Variants in PRRG1 observed in about 807,000 individuals in gnomAD.
The protein encoded by PRRG1 is transmembrane gamma-carboxyglutamic acid protein 1.
PRRG1 carries 5 observed loss-of-function variants against 11.8 expected under a neutral mutation model. That is an observed-to-expected ratio of 0.42 (90% CI 0.22 to 0.89). PRRG1 has a LOEUF of 0.89. PRRG1 is among the 40% of genes least tolerant of loss of function. The pLI is 0.28. For synonymous variants in PRRG1, 66 were observed against 60.4 expected, an observed-to-expected ratio of 1.09 and a Z score of -0.43; for missense variants, 155 against 166.1, an observed-to-expected ratio of 0.93 and a Z score of 0.37.
chrX:37,362,025 T>C (rs1318256990), intron 1 of PRRG1, among the ~76,000 whole-genome samples: 2 of 112,239 alleles, frequency 1.8e-5, no homozygotes, highest in African/African-American at 6.5e-5. Context: ...AGGATATAGT[T>C]AATTTCCTGT....
intron 1 of PRRG1, among the ~76,000 whole-genome samples, chrX:37,389,099 A>G (rs1037524546): frequency 6.3e-5 from 7 of 111,569 alleles, no homozygotes; most frequent in Non-Finnish European, 9.4e-5. Flanking sequence ...GGACATAACA[A>G]TAGTGGCCTT....
Position 37,365,094 on chromosome X carries a change from C to T in PRRG1, c.-42+15699C>T, listed in dbSNP as rs782500693. On this transcript the variant is annotated intron_variant, in intron 1 of 3. Coordinates refer to ENST00000378628, the MANE Select transcript of PRRG1 (RefSeq NM_001142395.2). ...GCCAAAAGTTAGTGAACTTCTGCCA[C>T]GGACCCTGGTGGACTGAACAAAGGA... Among the ~76,000 whole-genome samples, 5 of 111,849 alleles carry T rather than the reference C, an allele frequency of 4.5e-5. No homozygotes were observed. The South Asian group carries it at 1.5e-3, about 34-fold the overall frequency.
At chrX:37,400,049 C>T (rs1931904405) in intron 1 of PRRG1, among the ~76,000 whole-genome samples, 2 of 111,432 alleles carry the variant, frequency 1.8e-5, no homozygotes, top group Non-Finnish European at 3.8e-5. Flanking sequence ...TTTAACACCC[C>T]ACTATCAACA....
intron 1 of PRRG1, among the ~76,000 whole-genome samples, chrX:37,352,538 T>G (rs1930101274): frequency 9.0e-6 from 1 of 111,204 alleles, no homozygotes; most frequent in African/African-American, 3.3e-5. Flanking sequence ...TCTTAAAACT[T>G]TCCTCTTAGA....
intron 2 of PRRG1, among the ~76,000 whole-genome samples, chrX:37,418,836 T>C (rs1293812026): frequency 8.9e-6 from 1 of 111,868 alleles, no homozygotes; most frequent in Non-Finnish European, 1.9e-5. Flanking sequence ...AGTATGTTGA[T>C]CTAGTTCAGC....
chrX:37,445,808 C>A (rs1337660084), intron 3 of PRRG1, among the ~76,000 whole-genome samples: 5 of 112,633 alleles, frequency 4.4e-5, no homozygotes, highest in Admixed American at 2.8e-4. Context: ...ATATAGCCCA[C>A]CATCTGTTCT....
chrX:37,363,336 G>A lies in PRRG1; in HGVS notation c.-42+13941G>A, dbSNP rs781985516. The stretch of plus-strand genomic sequence containing the variant: ...TCATACAGTAAGACTTTGTGTTTAC[G>A]AAGATAAAATATATATTGAGGATTT... On this transcript the variant is annotated intron_variant, in intron 1 of 3. Transcript: ENST00000378628. Among the ~76,000 whole-genome samples the A allele has an allele frequency of 1.4e-3, 155 of 111,854 alleles. 1 individual carries two copies. The highest frequency in any genetic ancestry group is 2.4e-3 in the Non-Finnish European group (128 of 53,136).
chrX:37,350,480 C>T (rs1556364553), intron 1 of PRRG1, among the ~76,000 whole-genome samples: 1 of 111,308 alleles, frequency 9.0e-6, no homozygotes, highest in Non-Finnish European at 1.9e-5. Flanking sequence ...GATTATTGGG[C>T]ATGTGTGTGG....
At chrX:37,355,090 A>G (rs1320813555) in intron 1 of PRRG1, among the ~76,000 whole-genome samples, 2 of 110,507 alleles carry the variant, frequency 1.8e-5, no homozygotes, top group Admixed American at 1.9e-4. Flanking sequence ...TTTTAAATTA[A>G]AAATTTTTTT....
intron 3 of PRRG1, among the ~76,000 whole-genome samples, chrX:37,439,215 G>T (rs1932931086): frequency 8.9e-6 from 1 of 111,831 alleles, no homozygotes; most frequent in Non-Finnish European, 1.9e-5. Flanking sequence ...ATTTCAGAGG[G>T]TCACACTAAT....
At chrX:37,433,688 A>G (rs1157071810) in intron 3 of PRRG1, among the ~76,000 whole-genome samples, 3 of 112,057 alleles carry the variant, frequency 2.7e-5, no homozygotes, top group African/African-American at 9.7e-5. Flanking sequence ...GTGCTGGCAC[A>G]TAATAGAAGC....
At chrX:37,419,168 C>T (rs1932587905) in intron 2 of PRRG1, among the ~76,000 whole-genome samples, 2 of 112,088 alleles carry the variant, frequency 1.8e-5, no homozygotes, top group Admixed American at 9.5e-5. Flanking sequence ...TTCAATAAAG[C>T]ATATTTTGTT....
chrX:37,401,021 CCAGATG>C (rs1361221585), intron 1 of PRRG1, among the ~76,000 whole-genome samples: 1 of 110,411 alleles, frequency 9.1e-6, no homozygotes, highest in African/African-American at 3.3e-5. Context: ...GAGTCCAGGA[CCAGATG>C]GATTCACAGC....
At chrX:37,386,196 A>G (rs1362184025) in intron 1 of PRRG1, among the ~76,000 whole-genome samples, 2 of 112,536 alleles carry the variant, frequency 1.8e-5, no homozygotes, top group Non-Finnish European at 3.7e-5. Flanking sequence ...GTTTATACAT[A>G]TCTAACAAAT....
rs782335178 is a variant in PRRG1, at chrX:37,428,837, A to G, written c.171+2837A>G. On this transcript the variant is annotated intron_variant, in intron 3 of 3. Transcript: ENST00000378628. ...CCATGAGAGCCCTGTCCCTGCAGCAAACTTCTTCCTGGACATCTGGGTGTT... is the reference window on the plus strand; with the variant it reads ...CCATGAGAGCCCTGTCCCTGCAGCAGACTTCTTCCTGGACATCTGGGTGTT... 2.7e-5 allele frequency among the ~76,000 whole-genome samples: 3 copies of G among 112,768 alleles called. No homozygotes were observed. In the South Asian group the frequency reaches 1.1e-3, roughly 42 times the overall value.
chrX:37,371,132 T>G, intron 1 of PRRG1, among the ~76,000 whole-genome samples: 1 of 111,486 alleles, frequency 9.0e-6, no homozygotes, highest in Non-Finnish European at 1.9e-5. Context: ...CCATAGCCAC[T>G]CATGGACTAG....
chrX:37,395,304 G>A (rs1931675966), intron 1 of PRRG1, among the ~76,000 whole-genome samples: 1 of 111,768 alleles, frequency 8.9e-6, no homozygotes, highest in African/African-American at 3.2e-5. Context: ...GCTCACGCTT[G>A]TATGTGTCTA....
chrX:37,372,663 C>A (rs782352741), intron 1 of PRRG1, among the ~76,000 whole-genome samples: 3 of 112,529 alleles, frequency 2.7e-5, no homozygotes, highest in African/African-American at 9.7e-5. Flanking sequence ...CTCTTGAGTT[C>A]TTTGAGTTCC....
intron 3 of PRRG1, among the ~76,000 whole-genome samples, chrX:37,433,035 C>G (rs782430440): frequency 9.0e-6 from 1 of 111,497 alleles, no homozygotes; most frequent in Non-Finnish European, 1.9e-5. Context: ...AAAATATACT[C>G]GGAATCTAGC....
Sources: gnomAD v4.1 joint callset for allele counts (sites outside exome capture counted in the v4.1 genomes callset) on GRCh38, gnomAD v4.1.1 for gene constraint, MANE v1.5 for transcripts, NCBI Gene and HGNC (gene_info 2026-07-23, HGNC 2026-07-21) for gene names.